CACNA2D4: variants seen among roughly 807,000 people sequenced by gnomAD.
The protein encoded by CACNA2D4 is voltage-dependent calcium channel subunit alpha-2/delta-4.
A neutral mutation model predicts 163.8 loss-of-function variants in CACNA2D4; 157 were observed. The observed-to-expected ratio is 0.96, with a 90% CI of 0.84 to 1.09. The LOEUF (loss-of-function observed/expected upper bound fraction) is 1.09. Ranked by LOEUF, CACNA2D4 falls within the 50% of genes least tolerant of loss-of-function variation. CACNA2D4 has a pLI of 0.00. For missense variants in CACNA2D4, 1,410 were observed against 1,479.9 expected (o/e 0.95, Z 0.78); for synonymous variants, 598 against 586.9 (o/e 1.02, Z -0.27).
chr12:1,913,335 A>G (rs2429163), intron 2 of CACNA2D4, among the ~76,000 whole-genome samples, 196 bp from the exon 3 acceptor site: 137,835 of 152,270 alleles, frequency 0.91, 62,619 homozygotes, highest in East Asian at 1. Flanking sequence ...CTCCTCAAAT[A>G]TCCTCTCTGT....
At chr12:1,817,777 C>T (rs1863927110) in intron 26 of CACNA2D4, among the ~76,000 whole-genome samples, 1 of 152,104 alleles carries the variant, frequency 6.6e-6, no homozygotes, top group African/African-American at 2.4e-5. Context: ...GAGTCTGGTT[C>T]ACTCAGTGCT....
chr12:1,891,888 T>G (rs1328753361), intron 6 of CACNA2D4, among the ~76,000 whole-genome samples: 1 of 152,098 alleles, frequency 6.6e-6, no homozygotes, highest in Non-Finnish European at 1.5e-5. Context: ...AAAAATTTTC[T>G]TTAAAAAAAG....
chr12:1,799,985 G>A lies in CACNA2D4; in HGVS notation c.2974+15C>T, dbSNP rs1017805928. On this transcript the variant is annotated intron_variant, in intron 33 of 37. Coordinates refer to ENST00000382722, the MANE Select transcript of CACNA2D4 (RefSeq NM_172364.5). The surrounding 1 kb of genome is among the most constrained non-coding windows in gnomAD (Gnocchi z 4.7). ...CTGCTCTTCAGCACATGGCCCTGCA[G>A]CTCCGTGCACTCACCCTCGGCCCCT... 4 of 1,599,696 alleles carry A rather than the reference G, an allele frequency of 2.5e-6. No individual in the cohort carries two copies. The highest frequency in any genetic ancestry group is 3.4e-6 in the Non-Finnish European group (4 of 1,173,426).
intron 29 of CACNA2D4, among the ~76,000 whole-genome samples, 169 bp downstream of exon 29, chr12:1,810,109 T>A (rs1252185759): frequency 6.6e-6 from 1 of 152,282 alleles, no homozygotes; most frequent in Non-Finnish European, 1.5e-5. Flanking sequence ...CTTCTTGCTC[T>A]GTTGACTTTG....
intron 29 of CACNA2D4, among the ~76,000 whole-genome samples, chr12:1,810,010 G>A (rs554352977): frequency 6.6e-6 from 1 of 152,336 alleles, no homozygotes; most frequent in East Asian, 1.9e-4. Flanking sequence ...CTCCTACCAG[G>A]CACGGGAGGA....
intron 34 of CACNA2D4, among the ~76,000 whole-genome samples, chr12:1,797,880 G>C (rs1863183887): frequency 6.6e-6 from 1 of 152,192 alleles, no homozygotes; most frequent in Non-Finnish European, 1.5e-5. Context: ...GGTCTGAGCG[G>C]GGAGCAGAGG....
Position 1,878,984 on chromosome 12 carries a change from T to G in CACNA2D4, c.1616A>C (p.Glu539Ala). ...GTACCGGGGCGCCAGCTTCATCAGCTCTCTCAGGGCCACATCTGAGCCCAC... is the reference window on the plus strand; with the variant it reads ...GTACCGGGGCGCCAGCTTCATCAGCGCTCTCAGGGCCACATCTGAGCCCAC... ...GVVGSDVALR[E>A]LMKLAPRYKL... The change falls in exon 15 of 38, where the codon GAG becomes GCG. Residue 539 changes from glutamate to alanine, a missense_variant. By Grantham distance (107) the Glu-to-Ala change is moderately radical. Coordinates refer to ENST00000382722, the MANE Select transcript of CACNA2D4 (RefSeq NM_172364.5). The surrounding 1 kb of genome is among the most constrained non-coding windows in gnomAD (Gnocchi z 4.6). 6.2e-7 allele frequency: 1 copy of G among 1,613,654 alleles called. No homozygotes were observed. The highest frequency in any genetic ancestry group is 8.5e-7 in the Non-Finnish European group (1 of 1,179,784).
Position 1,900,340 on chromosome 12 carries a change from A to T in CACNA2D4, c.781+7100T>A, listed in dbSNP as rs10774006. 4.6e-5 allele frequency among the ~76,000 whole-genome samples: 7 copies of T among 152,232 alleles called. No homozygotes were observed. The South Asian group carries it at 8.3e-4, about 18-fold the overall frequency. ...GGTGGAGATGAGGTCTCACTATGTTACCCAGGCTGGTCTTGAATTCCTGGG... is the reference window on the plus strand; with the variant it reads ...GGTGGAGATGAGGTCTCACTATGTTTCCCAGGCTGGTCTTGAATTCCTGGG... On this transcript the variant is annotated intron_variant, in intron 6 of 37. Coordinates refer to ENST00000382722, the MANE Select transcript of CACNA2D4 (RefSeq NM_172364.5).
rs112445910 is a variant in CACNA2D4 at position 1,841,757 on chromosome 12, T to C, written c.2471-938A>G. Among the ~76,000 whole-genome samples, 852 of 152,326 alleles carry C rather than the reference T, an allele frequency of 5.6e-3. 12 individuals are homozygous for C. Among genetic ancestry groups the C allele is most frequent in the African/African-American group, 0.019 (790 of 41,570 alleles). On this transcript the variant is annotated intron_variant, in intron 25 of 37. Coordinates refer to ENST00000382722, the MANE Select transcript of CACNA2D4 (RefSeq NM_172364.5). ...GGTCATGGGACTCTTGTGTGGCGAT[T>C]ATGACAACAGTGTCAATTGTCCCGG...
At chr12:1,827,023 C>G (rs965040360) in intron 26 of CACNA2D4, among the ~76,000 whole-genome samples, 1 of 152,364 alleles carries the variant, frequency 6.6e-6, no homozygotes, top group African/African-American at 2.4e-5. Flanking sequence ...AGGGACAAAT[C>G]TGGCAACCAA....
At chr12:1,818,018 C>T (rs1863939789) in intron 26 of CACNA2D4, among the ~76,000 whole-genome samples, 1 of 151,546 alleles carries the variant, frequency 6.6e-6, no homozygotes, top group Non-Finnish European at 1.5e-5. Context: ...TGCCCGGCCG[C>T]CATCCCATCT....
chr12:1,798,232 C>A lies in CACNA2D4; in HGVS notation c.2996-697G>T, dbSNP rs879325849. On this transcript the variant is annotated intron_variant, in intron 34 of 37. Coordinates refer to ENST00000382722, the MANE Select transcript of CACNA2D4 (RefSeq NM_172364.5). This position sits in a 1 kb window ranked among gnomAD's most constrained non-coding sequence, Gnocchi z 4.3. ...TGCAGGACCCGAGTCCGTTCCCTCC[C>A]GGAGCCTCCTGAGGTGGGCACATGG... 6.6e-6 allele frequency among the ~76,000 whole-genome samples: 1 copy of A among 152,200 alleles called. No individual in the cohort carries two copies. Among genetic ancestry groups the A allele is most frequent in the Admixed American group, 6.5e-5 (1 of 15,282 alleles).
At chr12:1,886,135 GGTGGTCA>G (rs1866137680) in intron 8 of CACNA2D4, 81 bp downstream of exon 8, 5 of 1,540,086 alleles carry the variant, frequency 3.2e-6, no homozygotes, top group Non-Finnish European at 4.5e-6. Context: ...CAGGTCACCG[GGTGGTCA>G]GGGGTTGTGG....
intron 24 of CACNA2D4, among the ~76,000 whole-genome samples, chr12:1,845,554 C>A (rs1196753293): frequency 6.6e-6 from 1 of 152,242 alleles, no homozygotes; most frequent in South Asian, 2.1e-4. Context: ...GAGCAGCTGG[C>A]GGGTGGGAGG....
In CACNA2D4 at chr12:1,828,204, G is replaced by A. The variant is rs1438879512; in HGVS notation, c.2551+12535C>T. 6.5e-7 allele frequency: 1 copy of A among 1,546,694 alleles called. No individual in the cohort carries two copies. The highest frequency in any genetic ancestry group is 2.0e-5 in the Admixed American group (1 of 50,614). ...AGGGGCAGGCTCGCCCTGCAGTGGA[G>A]GCAAGTCTCCTGTGAGTACACCCCT... is the stretch of plus-strand genomic sequence containing the variant. On this transcript the variant is annotated intron_variant, in intron 26 of 37. Transcript: ENST00000382722. The surrounding 1 kb of genome is among the most constrained non-coding windows in gnomAD (Gnocchi z 4.2).
rs1056837133 is a variant in CACNA2D4 at position 1,799,910 on chromosome 12, T to C, written c.2974+90A>G. Reference sequence around the variant, plus strand: ...ATGCTTCAGGGTCACCTATCCCCACTGTCACCCACCCCACAGGGAATGGTC... The same window carrying C: ...ATGCTTCAGGGTCACCTATCCCCACCGTCACCCACCCCACAGGGAATGGTC... On this transcript the variant is annotated intron_variant, in intron 33 of 37. Coordinates refer to ENST00000382722, the MANE Select transcript of CACNA2D4 (RefSeq NM_172364.5). This position sits in a 1 kb window ranked among gnomAD's most constrained non-coding sequence, Gnocchi z 4.7. 4 of 1,426,136 alleles carry C rather than the reference T, an allele frequency of 2.8e-6. No homozygotes were observed. Among genetic ancestry groups the C allele is most frequent in the Non-Finnish European group, 3.9e-6 (4 of 1,036,836 alleles). The allele number at this position is 1,426,136 out of a possible 1,614,324, so 88.3% of individuals were successfully genotyped here. A position where few individuals can be genotyped will look rare whatever the true frequency, so the allele number is the denominator to read the frequency against.
rs764885658 is a variant in CACNA2D4 at position 1,840,814 on chromosome 12, C to T, written c.2476G>A (p.Ala826Thr). 6.2e-7 allele frequency: 1 copy of T among 1,607,638 alleles called. No individual in the cohort carries two copies. Among genetic ancestry groups the T allele is most frequent in the South Asian group, 1.1e-5 (1 of 90,664 alleles). ...NLRWAEGPES[A>T]GEPMVVTAST... ...GCCGTCACCACCATGGGTTCACCCG[C>T]ACTTTCTGGGGAAACAGAGACAACC... The change falls in exon 26 of 38, where the codon GCG becomes ACG. Residue 826 changes from alanine to threonine, a missense_variant. Ala to Thr is a moderately conservative substitution (Grantham distance 58, BLOSUM62 0). Transcript: ENST00000382722.
chr12:1,867,049 G>C (rs1273757060), intron 18 of CACNA2D4, among the ~76,000 whole-genome samples: 1 of 152,010 alleles, frequency 6.6e-6, no homozygotes, highest in East Asian at 1.9e-4. Context: ...TATTTTGTTG[G>C]TTCTTATATA....
At chr12:1,841,061 G>A (rs1865013052) in intron 25 of CACNA2D4, among the ~76,000 whole-genome samples, 1 of 152,276 alleles carries the variant, frequency 6.6e-6, no homozygotes, top group African/African-American at 2.4e-5. Flanking sequence ...CAGGGCTGCA[G>A]TGGCCCCACG....
Sources: allele counts gnomAD v4.1 joint callset (sites outside exome capture counted in the v4.1 genomes callset), GRCh38; gene constraint gnomAD v4.1.1; non-coding constraint Gnocchi (gnomAD v3.1); transcripts MANE v1.5; gene names NCBI Gene and HGNC (gene_info 2026-07-23, HGNC 2026-07-21).